The following FLI1 variants were observed in gnomAD, a reference collection of about 807,000 sequenced individuals.
FLI1 encodes the protein Friend leukemia integration 1 transcription factor.
Under a neutral mutation model 53.1 loss-of-function variants are expected in FLI1, and 13 were observed. The ratio of observed to expected loss-of-function variants is 0.24; its 90% confidence interval spans 0.16 to 0.39. The LOEUF is 0.39. FLI1 is among the 10% of genes least tolerant of loss of function. FLI1 has a pLI of 1.00. For synonymous variants in FLI1, 244 were observed against 236.7 expected (o/e 1.03, Z -0.28); for missense variants, 424 against 600.5 (o/e 0.71, Z 3.07).
chr11:128,791,421 A>G (rs1565502465), intron 5 of FLI1, among the ~76,000 whole-genome samples: 1 of 152,118 alleles, frequency 6.6e-6, no homozygotes, highest in African/African-American at 2.4e-5. Context: ...GCATCACCTC[A>G]TTACGGTCTT....
chr11:128,810,356 G>A lies in FLI1; in HGVS notation c.830-103G>A, dbSNP rs570753562. 1.8e-4 allele frequency: 216 copies of A among 1,170,896 alleles called. 2 individuals are homozygous for A. The highest frequency in any genetic ancestry group is 1.2e-3 in the Middle Eastern group (5 of 4,072). 72.5% of individuals were successfully genotyped at this position (1,170,896 alleles called of 1,614,324 possible). ...ATCCCAATGTCGAAGGAAACAAAAG[G>A]TTTCTTTAAAAGGATGAGAAGCTCC... On this transcript the variant is annotated intron_variant, in intron 8 of 8. Transcript: ENST00000527786. This position sits in a 1 kb window ranked among gnomAD's most constrained non-coding sequence, Gnocchi z 6.6.
chr11:128,726,936 G>A (rs570374946), intron 1 of FLI1, among the ~76,000 whole-genome samples: 1 of 152,264 alleles, frequency 6.6e-6, no homozygotes, highest in South Asian at 2.1e-4. Flanking sequence ...CTGGGGCAGA[G>A]GGGGGAAGAG....
chr11:128,779,557 T>C (rs933415396), intron 4 of FLI1, among the ~76,000 whole-genome samples: 1 of 152,188 alleles, frequency 6.6e-6, no homozygotes, highest in African/African-American at 2.4e-5. Context: ...ATAGTAACGA[T>C]CATAGCTAGC....
chr11:128,733,753 C>T (rs889743748), intron 1 of FLI1, among the ~76,000 whole-genome samples: 2 of 152,244 alleles, frequency 1.3e-5, no homozygotes, highest in African/African-American at 2.4e-5. Flanking sequence ...TTGTGCCCAT[C>T]TGCCTTTGTC....
intron 3 of FLI1, 94 bp from the exon 4 acceptor site, chr11:128,772,688 A>G (rs1941606489): frequency 2.1e-6 from 2 of 945,632 alleles, no homozygotes; most frequent in African/African-American, 3.2e-5. Flanking sequence ...GAGAAGGGAA[A>G]GAAAGAGGGA....
rs540339260 is a variant in FLI1 at position 128,765,191 on chromosome 11, C to T, written c.231-2927C>T. 5.9e-5 allele frequency among the ~76,000 whole-genome samples: 9 copies of T among 152,288 alleles called. No individual in the cohort carries two copies. The East Asian group carries it at 7.7e-4, about 13-fold the overall frequency. Reference sequence around the variant, plus strand: ...TCCTCCTCTGCGTCCACTTTCCCTTCGTCTAGGTGCCCATGGCTCCTCTCC... The same window carrying T: ...TCCTCCTCTGCGTCCACTTTCCCTTTGTCTAGGTGCCCATGGCTCCTCTCC... On this transcript the variant is annotated intron_variant, in intron 2 of 8. Coordinates refer to ENST00000527786, the MANE Select transcript of FLI1 (RefSeq NM_002017.5).
Position 128,743,897 on chromosome 11 carries a change from C to A in FLI1, c.19-14218C>A, listed in dbSNP as rs543555351. ...TTTCCTGTAGATGGATGCCGGGAGA[C>A]AGGAGACCCCTGTGCTGGACTGTCC... On this transcript the variant is annotated intron_variant, in intron 1 of 8. Coordinates refer to ENST00000527786, the MANE Select transcript of FLI1 (RefSeq NM_002017.5). Among the ~76,000 whole-genome samples the A allele has an allele frequency of 3.3e-5, 5 of 152,292 alleles. No homozygotes were observed. The South Asian group carries it at 1.0e-3, about 32-fold the overall frequency.
At chr11:128,723,932 G>GTTT (rs1939359728) in intron 1 of FLI1, among the ~76,000 whole-genome samples, 3 of 99,700 alleles carry the variant, frequency 3.0e-5, no homozygotes, top group Non-Finnish European at 4.2e-5. Context: ...CAATGGAGTT[G>GTTT]ATTTTTTTTT....
At chr11:128,690,840 C>T (rs964386091), upstream of FLI1, among the ~76,000 whole-genome samples, 1 of 152,168 alleles carries the variant, frequency 6.6e-6, no homozygotes, top group Non-Finnish European at 1.5e-5. Context: ...GACTTGAAAA[C>T]CAGCCCCGAG....
At chr11:128,791,027 C>T (rs1014040992) in intron 5 of FLI1, among the ~76,000 whole-genome samples, 4 of 151,982 alleles carry the variant, frequency 2.6e-5, no homozygotes, top group Non-Finnish European at 4.4e-5. Context: ...CTTTTAATTA[C>T]TCAGACCCAG....
chr11:128,689,159 G>A (rs188632674), upstream of FLI1, among the ~76,000 whole-genome samples: 2 of 150,642 alleles, frequency 1.3e-5, no homozygotes, highest in East Asian at 3.9e-4. Flanking sequence ...TAAGTGTAGA[G>A]CTAGAATTCA....
chr11:128,695,521 G>A (rs542733504), intron 1 of FLI1, among the ~76,000 whole-genome samples: 1 of 152,348 alleles, frequency 6.6e-6, no homozygotes, highest in East Asian at 1.9e-4. Flanking sequence ...TGGGCTCAGA[G>A]AATTCAAGAG....
intron 5 of FLI1, among the ~76,000 whole-genome samples, chr11:128,791,413 A>G (rs937252915): frequency 1.3e-5 from 2 of 152,170 alleles, no homozygotes; most frequent in Admixed American, 1.3e-4. Context: ...ATCAGACAGC[A>G]TCACCTCATT....
chr11:128,779,314 C>T (rs536820072), intron 4 of FLI1, among the ~76,000 whole-genome samples: 5 of 152,330 alleles, frequency 3.3e-5, no homozygotes, highest in African/African-American at 7.2e-5. Flanking sequence ...AGGGAGAGAA[C>T]GTCAGGGACG....
At chr11:128,807,289 G>T (rs772499137) in intron 7 of FLI1, 50 bp downstream of exon 7, 4 of 1,318,090 alleles carry the variant, frequency 3.0e-6, no homozygotes, top group Non-Finnish European at 4.2e-6. Context: ...CACAGTTGTT[G>T]ATTTCACATG....
At chr11:128,741,731 C>A (rs539862051) in intron 1 of FLI1, among the ~76,000 whole-genome samples, 2 of 152,212 alleles carry the variant, frequency 1.3e-5, no homozygotes, top group Admixed American at 6.5e-5. Flanking sequence ...GCCCCTCCCC[C>A]CGATTCCTGC....
chr11:128,789,534 G>A (rs1213517155), intron 5 of FLI1, among the ~76,000 whole-genome samples: 14 of 152,270 alleles, frequency 9.2e-5, no homozygotes, highest in African/African-American at 2.6e-4. Flanking sequence ...GAAATTCTCC[G>A]TAACTCAAAA....
intron 7 of FLI1, 90 bp downstream of exon 7, chr11:128,807,329 C>T: frequency 1.3e-6 from 1 of 797,724 alleles, no homozygotes; most frequent in Non-Finnish European, 1.9e-6. Flanking sequence ...AAACAATATA[C>T]CACATATGTT....
chr11:128,693,845 C>G (rs936109912), upstream of FLI1: 1 of 198,868 alleles, frequency 5.0e-6, no homozygotes, highest in Non-Finnish European at 9.0e-6. Flanking sequence ...GTGTGTGATG[C>G]GAAAAGCAGG....
Sources: gnomAD v4.1 joint callset for allele counts (sites outside exome capture counted in the v4.1 genomes callset) on GRCh38, gnomAD v4.1.1 for gene constraint, Gnocchi (gnomAD v3.1) non-coding constraint, MANE v1.5 for transcripts, NCBI Gene and HGNC (gene_info 2026-07-23, HGNC 2026-07-21) for gene names.